DIP2C: variants seen among roughly 807,000 people sequenced by gnomAD.
DIP2C encodes disco-interacting protein 2 homolog C.
Under a neutral mutation model 192.4 loss-of-function variants are expected in DIP2C, and 33 were observed. That is an observed-to-expected ratio of 0.17 (90% CI 0.13 to 0.23). The LOEUF (loss-of-function observed/expected upper bound fraction) is 0.23, where lower values mean the gene tolerates loss of function less well. DIP2C is among the 10% of genes least tolerant of loss of function. The pLI, the probability that DIP2C is intolerant of heterozygous loss-of-function variation, is 1.00. For synonymous variants in DIP2C, 979 were observed against 864.1 expected (o/e 1.13, Z -2.33); for missense variants, 1,537 against 2,110.1 (o/e 0.73, Z 5.32).
intron 2 of DIP2C, among the ~76,000 whole-genome samples, chr10:477,175 T>TAGCAAAGTC (rs1286149994): frequency 7.1e-6 from 1 of 141,792 alleles, no homozygotes; most frequent in Non-Finnish European, 1.5e-5. Flanking sequence ...GAAACAGGCT[T>TAGCAAAGTC]AGCAAAGTCA....
At chr10:345,176 C>T (rs757529687) in intron 26 of DIP2C, 66 bp from the exon 27 acceptor site, 211 of 1,428,324 alleles carry the variant, frequency 1.5e-4, no homozygotes, top group Admixed American at 1.1e-4. Context: ...TCACTTCACA[C>T]GGGTCTCCTG....
At chr10:392,738 GCACACACTCACATA>G (rs1385397219) in intron 10 of DIP2C, among the ~76,000 whole-genome samples, 1 of 150,338 alleles carries the variant, frequency 6.7e-6, no homozygotes. Context: ...GTACACACGC[GCACACACTCACATA>G]CACACACACA....
At chr10:567,059 T>C (rs1429206391) in intron 1 of DIP2C, among the ~76,000 whole-genome samples, 1 of 152,188 alleles carries the variant, frequency 6.6e-6, no homozygotes, top group Non-Finnish European at 1.5e-5. Flanking sequence ...CTCAACTTGG[T>C]TGCACAAAAC....
chr10:658,010 T>A (rs1856497521), intron 1 of DIP2C, among the ~76,000 whole-genome samples: 1 of 150,606 alleles, frequency 6.6e-6, no homozygotes, highest in Non-Finnish European at 1.5e-5. Context: ...GACCTGACCC[T>A]GGACCTGCCC....
chr10:475,225 T>A (rs1337623116), intron 2 of DIP2C, among the ~76,000 whole-genome samples: 1 of 152,242 alleles, frequency 6.6e-6, no homozygotes, highest in Admixed American at 6.5e-5. Context: ...GGGCTCCATG[T>A]GTACAGCACC....
At chr10:555,636 C>A (rs1848811633) in intron 1 of DIP2C, among the ~76,000 whole-genome samples, 1 of 152,154 alleles carries the variant, frequency 6.6e-6, no homozygotes, top group Non-Finnish European at 1.5e-5. Flanking sequence ...ATCTGGGGAC[C>A]AGCCACGTGA....
chr10:412,591 A>C lies in DIP2C; in HGVS notation c.1057+1322T>G, dbSNP rs149377401. ...TAAAAGCAAAGGGGCTACGAAACGC[A>C]CGCTCCCAAACCCAATATGCTCCTA... On this transcript the variant is annotated intron_variant, in intron 8 of 36. Transcript: ENST00000280886. 2.8e-4 allele frequency among the ~76,000 whole-genome samples: 42 copies of C among 152,346 alleles called. No homozygotes were observed. In the East Asian group the frequency reaches 6.2e-3, roughly 22 times the overall value.
intron 24 of DIP2C, among the ~76,000 whole-genome samples, chr10:350,972 A>G (rs1958776270): frequency 1.3e-5 from 2 of 152,122 alleles, no homozygotes; most frequent in Admixed American, 1.3e-4. Context: ...AGTCACAGCT[A>G]CAAAGATGAA....
chr10:454,253 A>G (rs61837251), intron 3 of DIP2C, among the ~76,000 whole-genome samples: 25,634 of 152,192 alleles, frequency 0.17, 5,348 homozygotes, highest in African/African-American at 0.5. Context: ...GCATTGAATA[A>G]ATCACTATTG....
intron 1 of DIP2C, among the ~76,000 whole-genome samples, chr10:570,483 T>G (rs1849720879): frequency 6.6e-6 from 1 of 151,922 alleles, no homozygotes; most frequent in Non-Finnish European, 1.5e-5. Flanking sequence ...GACCCACATC[T>G]CTCCACCTCC....
intron 32 of DIP2C, among the ~76,000 whole-genome samples, chr10:303,238 C>A (rs1347950403): frequency 6.6e-6 from 1 of 151,976 alleles, no homozygotes; most frequent in African/African-American, 2.4e-5. Context: ...TACTCGCGAG[C>A]TAAGACATCA....
intron 18 of DIP2C, among the ~76,000 whole-genome samples, chr10:369,235 G>A (rs918348054): frequency 1.1e-4 from 16 of 152,188 alleles, no homozygotes; most frequent in Non-Finnish European, 1.8e-4. Flanking sequence ...CACTGGCCCC[G>A]AAGCCTTCCA....
chr10:603,091 G>A (rs1258564165), intron 1 of DIP2C, among the ~76,000 whole-genome samples: 3 of 151,958 alleles, frequency 2.0e-5, no homozygotes, highest in Non-Finnish European at 4.4e-5. Flanking sequence ...GGAAAATGCT[G>A]GATTATCATA....
intron 10 of DIP2C, among the ~76,000 whole-genome samples, chr10:394,989 C>G (rs568865790): frequency 6.6e-6 from 1 of 152,062 alleles, no homozygotes; most frequent in South Asian, 2.1e-4. Context: ...GTATGCTGAA[C>G]CAGGACATTA....
At chr10:492,134 C>T (rs1445168626) in intron 1 of DIP2C, among the ~76,000 whole-genome samples, 1 of 152,242 alleles carries the variant, frequency 6.6e-6, no homozygotes, top group Non-Finnish European at 1.5e-5. Context: ...ACGCCGCGGG[C>T]CCCCGTGTCG....
chr10:519,619 T>C (rs1846571181), intron 1 of DIP2C, among the ~76,000 whole-genome samples: 1 of 152,166 alleles, frequency 6.6e-6, no homozygotes, highest in Non-Finnish European at 1.5e-5. Flanking sequence ...GGTGCAGCCT[T>C]GCCAAGGGGC....
At chr10:414,515 A>G (rs1347290404) in intron 7 of DIP2C, among the ~76,000 whole-genome samples, 1 of 151,948 alleles carries the variant, frequency 6.6e-6, no homozygotes, top group Non-Finnish European at 1.5e-5. Flanking sequence ...GATTAATGAT[A>G]AATATATTTT....
chr10:274,421 C>G lies in DIP2C; in HGVS notation c.*2904G>C, dbSNP rs377460653. On this transcript the variant is annotated 3_prime_UTR_variant, in exon 37 of 37. Transcript: ENST00000280886. ...TTCCTTCCCGGGATTAAAGCTGTCC[C>G]AGACATCTTTCCAGGGGACCAATTA... 1 of 152,186 alleles carries G rather than the reference C, an allele frequency of 6.6e-6. No homozygotes were observed. Among genetic ancestry groups the G allele is most frequent in the Non-Finnish European group, 1.5e-5 (1 of 68,032 alleles). The allele number at this position is 152,186 out of a possible 1,614,324, so 9.4% of individuals were successfully genotyped here.
chr10:619,005 G>A lies in DIP2C; in HGVS notation c.85+70489C>T, dbSNP rs544465095. On this transcript the variant is annotated intron_variant, in intron 1 of 36. Transcript: ENST00000280886. ...GGAAGCTCATTTCAGCCCTCACTGT[G>A]TTCTGACTGTGGCCTGCTTCCCATA... Among the ~76,000 whole-genome samples the A allele has an allele frequency of 1.1e-4, 16 of 152,324 alleles. No homozygotes were observed. In the East Asian group the frequency reaches 2.7e-3, roughly 26 times the overall value.
Sources: allele counts gnomAD v4.1 joint callset (sites outside exome capture counted in the v4.1 genomes callset), GRCh38; gene constraint gnomAD v4.1.1; transcripts MANE v1.5; gene names NCBI Gene and HGNC (gene_info 2026-07-23, HGNC 2026-07-21).